Variants in SETD3 observed in about 807,000 individuals in gnomAD.
SETD3 encodes actin-histidine N-methyltransferase.
In SETD3, 19 loss-of-function variants were observed where a neutral mutation model predicts 63.0. That is an observed-to-expected ratio of 0.30 (90% CI 0.21 to 0.44). The LOEUF is 0.44. Among genes scored for constraint, SETD3 ranks in the 20% least tolerant of loss-of-function variants. The probability of loss-of-function intolerance (pLI) is 1.00; values close to 1 mark genes in which losing one functional copy is unlikely to be tolerated. For synonymous variants in SETD3, 286 were observed against 264.1 expected, an observed-to-expected ratio of 1.08 and a Z score of -0.80; for missense variants, 587 against 728.5, an observed-to-expected ratio of 0.81 and a Z score of 2.24.
intron 12 of SETD3, among the ~76,000 whole-genome samples, chr14:99,399,471 G>A (rs1367067045): frequency 2.6e-5 from 4 of 152,194 alleles, no homozygotes; most frequent in African/African-American, 9.7e-5. Flanking sequence ...CAGCACGTGG[G>A]TGAATGGCAT....
chr14:99,406,257 T>C (rs1891675774), intron 9 of SETD3, among the ~76,000 whole-genome samples: 1 of 152,240 alleles, frequency 6.6e-6, no homozygotes, highest in African/African-American at 2.4e-5. Flanking sequence ...TTACAAATAT[T>C]AGGCCAATTG....
chr14:99,444,585 G>C (rs1396723448), intron 6 of SETD3, among the ~76,000 whole-genome samples: 1 of 152,082 alleles, frequency 6.6e-6, no homozygotes, highest in African/African-American at 2.4e-5. Context: ...ATCACCAATG[G>C]GCCAGGTTCA....
chr14:99,446,839 T>C lies in SETD3; in HGVS notation c.675+11440A>G, dbSNP rs777509248. Reference sequence around the variant, plus strand: ...AGGATGCAGATGCTGGGGTCTGACCTGGGAACTCAAACCCGCCTCAGGGGG... The same window carrying C: ...AGGATGCAGATGCTGGGGTCTGACCCGGGAACTCAAACCCGCCTCAGGGGG... On this transcript the variant is annotated intron_variant, in intron 6 of 12. Transcript: ENST00000331768. Among the ~76,000 whole-genome samples the C allele has an allele frequency of 5.3e-5, 8 of 151,974 alleles. No individual in the cohort carries two copies. The East Asian group carries it at 9.7e-4, about 19-fold the overall frequency.
At chr14:99,453,763 T>C (rs951984511) in intron 6 of SETD3, among the ~76,000 whole-genome samples, 8 of 151,696 alleles carry the variant, frequency 5.3e-5, no homozygotes, top group Non-Finnish European at 7.4e-5. Flanking sequence ...GAGGCTGAGG[T>C]TGCAGTGAGC....
At chr14:99,403,466 CTCTCTCTCTCTCTCTCTCTCTCTT>C (rs1266834240) in intron 11 of SETD3, among the ~76,000 whole-genome samples, 1 of 138,564 alleles carries the variant, frequency 7.2e-6, no homozygotes, top group African/African-American at 3.2e-5. Flanking sequence ...CTCTCTCTCT[CTCTCTCTCTCTCTCTCTCTCTCTT>C]TCTCTCTCTT....
intron 1 of SETD3, among the ~76,000 whole-genome samples, chr14:99,471,455 C>T (rs1023454647): frequency 1.3e-5 from 2 of 152,148 alleles, no homozygotes; most frequent in South Asian, 4.1e-4. Flanking sequence ...GTTAGGGTTA[C>T]GCTTATGTAA....
chr14:99,411,137 G>A (rs1045555354), intron 8 of SETD3: 1 of 152,190 alleles, frequency 6.6e-6, no homozygotes. Flanking sequence ...CAAGAGTGCA[G>A]AGTGCAGAAT....
intron 6 of SETD3, among the ~76,000 whole-genome samples, chr14:99,434,673 C>T (rs1437020655): frequency 1.3e-5 from 2 of 151,618 alleles, no homozygotes; most frequent in African/African-American, 4.8e-5. Context: ...CATGGAGAAA[C>T]CCCGTCTCTA....
At chr14:99,445,569 G>A (rs1366451413) in intron 6 of SETD3, among the ~76,000 whole-genome samples, 4 of 152,158 alleles carry the variant, frequency 2.6e-5, no homozygotes, top group South Asian at 2.1e-4. Context: ...TACAAAGGGC[G>A]GCCACAGGAT....
rs1049971002 is a variant in SETD3, at chr14:99,455,374, C to T, written c.675+2905G>A. On this transcript the variant is annotated intron_variant, in intron 6 of 12. Transcript: ENST00000331768. ...ACTCCAAATCTGCATGATTTTATAA[C>T]CTGAATCTTAGGTTTACATTTTTTC... 2.6e-5 allele frequency among the ~76,000 whole-genome samples: 4 copies of T among 152,210 alleles called. No individual in the cohort carries two copies. The South Asian group carries it at 6.2e-4, about 24-fold the overall frequency.
chr14:99,482,958 TGAG>T (rs1176424938), upstream of SETD3, among the ~76,000 whole-genome samples: 5 of 152,200 alleles, frequency 3.3e-5, no homozygotes, highest in East Asian at 1.9e-4. Flanking sequence ...TCAAGGTAAT[TGAG>T]GAGATTACAG....
intron 1 of SETD3, among the ~76,000 whole-genome samples, chr14:99,476,842 G>A (rs1021695805): frequency 6.6e-6 from 1 of 152,124 alleles, no homozygotes; most frequent in Non-Finnish European, 1.5e-5. Flanking sequence ...ATAAACCTAA[G>A]TGTATATTTT....
Position 99,398,583 on chromosome 14 carries a change from G to A in SETD3, c.*96C>T. On this transcript the variant is annotated 3_prime_UTR_variant, in exon 13 of 13. Coordinates refer to ENST00000331768, the MANE Select transcript of SETD3 (RefSeq NM_032233.3). ...GCAGCAAAAACATATCTTCCTCTCT[G>A]CAGAAAGAAAAATGTTAACAAGGAA... 8.3e-7 allele frequency: 1 copy of A among 1,206,304 alleles called. No individual in the cohort carries two copies. Among genetic ancestry groups the A allele is most frequent in the Non-Finnish European group, 1.2e-6 (1 of 858,202 alleles). 74.7% of individuals were successfully genotyped at this position (1,206,304 alleles called of 1,614,324 possible).
chr14:99,403,039 G>A (rs1891467975), intron 11 of SETD3, among the ~76,000 whole-genome samples: 1 of 152,098 alleles, frequency 6.6e-6, no homozygotes, highest in Non-Finnish European at 1.5e-5. Flanking sequence ...AGTACAAAAA[G>A]CACCAAAAGC....
rs143767093 is a variant in SETD3, at chr14:99,406,560, G to A, written c.880C>T (p.Arg294Cys). ...TCCTGCAGAGCCACACACTCACAGCGGTCATCTTCCAGGTTGTAACCAGTA... is the reference window on the plus strand; with the variant it reads ...TCCTGCAGAGCCACACACTCACAGCAGTCATCTTCCAGGTTGTAACCAGTA... ...ITTGYNLEDD[R>C]CECVALQDFR... Residue 294 changes from arginine to cysteine, a missense_variant, in exon 9 of 13, where the codon CGC becomes TGC. Physicochemically the swap from Arg to Cys is radical, Grantham distance 180. Coordinates refer to ENST00000331768, the MANE Select transcript of SETD3 (RefSeq NM_032233.3). 10 of 1,614,044 alleles carry A rather than the reference G, an allele frequency of 6.2e-6. No individual in the cohort carries two copies. The highest frequency in any genetic ancestry group is 5.5e-5 in the South Asian group (5 of 91,090).
At chr14:99,481,805 G>A (rs528336852), upstream of SETD3, among the ~76,000 whole-genome samples, 1 of 152,358 alleles carries the variant, frequency 6.6e-6, no homozygotes, top group Non-Finnish European at 1.5e-5. Context: ...ACCGCGCACA[G>A]TCTCACAGCC....
chr14:99,424,934 A>AACTT (rs1892798168), intron 6 of SETD3, among the ~76,000 whole-genome samples: 2 of 152,046 alleles, frequency 1.3e-5, no homozygotes, highest in African/African-American at 4.8e-5. Flanking sequence ...ACTAACTGTT[A>AACTT]TGGCACCTGG....
intron 6 of SETD3, among the ~76,000 whole-genome samples, chr14:99,442,379 A>G (rs1035669593): frequency 6.6e-6 from 1 of 152,240 alleles, no homozygotes; most frequent in Non-Finnish European, 1.5e-5. Flanking sequence ...AGAATGAAGG[A>G]AAGTCCTTGT....
At chr14:99,446,261 A>G (rs1894123782) in intron 6 of SETD3, among the ~76,000 whole-genome samples, 1 of 152,218 alleles carries the variant, frequency 6.6e-6, no homozygotes, top group African/African-American at 2.4e-5. Context: ...ACACTGTCTT[A>G]GGAGAAAGCC....
Sources: allele counts gnomAD v4.1 joint callset (sites outside exome capture counted in the v4.1 genomes callset), GRCh38; gene constraint gnomAD v4.1.1; transcripts MANE v1.5; gene names NCBI Gene and HGNC (gene_info 2026-07-23, HGNC 2026-07-21).